Variants in CAPN12 observed in about 807,000 individuals in gnomAD.
CAPN12 encodes the protein calpain 12.
CAPN12 carries 107 observed loss-of-function variants against 95.0 expected under a neutral mutation model. That is an observed-to-expected ratio of 1.13 (90% CI 0.96 to 1.32). The LOEUF is 1.32. Among genes scored for constraint, CAPN12 ranks in the 40% most tolerant of loss-of-function variants. The pLI is 0.00. For missense variants in CAPN12, 1,136 were observed against 997.8 expected (o/e 1.14, Z -1.87); for synonymous variants, 505 against 415.5 (o/e 1.22, Z -2.62).
chr19:38,742,357 C>T, intron 3 of CAPN12, 53 bp downstream of exon 3: 1 of 1,210,266 alleles, frequency 8.3e-7, no homozygotes, highest in South Asian at 1.2e-5. Flanking sequence ...AAATCCATAT[C>T]ACCAAGTCAC....
intron 1 of CAPN12, among the ~76,000 whole-genome samples, chr19:38,743,407 G>C (rs1317164538): frequency 4.4e-5 from 2 of 45,648 alleles, no homozygotes; most frequent in East Asian, 7.6e-4. Flanking sequence ...TCCAGGTCCC[G>C]AGCCCCTCCT....
rs371427990 is a variant in CAPN12 at position 38,731,197 on chromosome 19, G to A, written c.1984C>T (p.Gln662Ter). ...AGFHLNNQLT[Q>*]TLTSRYRDSR... is the part of the protein sequence containing the mutation. ...TCCCGGTAGCGGCTGGTGAGGGTCT[G>A]GGTCAGCTGGTTGTTCAGGTGGAAG... Residue 662 changes from glutamine to a stop codon, truncating the protein, a stop_gained, in exon 19 of 21, where the codon CAG (glutamine) becomes TAG (stop). Coordinates refer to ENST00000328867, the MANE Select transcript of CAPN12 (RefSeq NM_144691.4). LOFTEE classifies it high-confidence loss of function. The A allele has an allele frequency of 3.7e-6, 6 of 1,612,630 alleles. No individual in the cohort carries two copies. The highest frequency in any genetic ancestry group is 1.3e-5 in the African/African-American group (1 of 74,916).
chr19:38,740,932 A>G, intron 4 of CAPN12, among the ~76,000 whole-genome samples: 1 of 152,130 alleles, frequency 6.6e-6, no homozygotes, highest in Non-Finnish European at 1.5e-5. Context: ...GAGCTGTGTT[A>G]GAATTCTGAG....
In CAPN12 at chr19:38,740,099, G is replaced by A. The variant is rs370015075; in HGVS notation, c.681C>T (p.Ala227=). 1 of 1,613,090 alleles carries A rather than the reference G, an allele frequency of 6.2e-7. No individual in the cohort carries two copies. Among genetic ancestry groups the A allele is most frequent in the Non-Finnish European group, 8.5e-7 (1 of 1,179,672 alleles). Residue 227 remains alanine, a synonymous_variant, in exon 5 of 21, where the codon GCC becomes GCT. Coordinates refer to ENST00000328867, the MANE Select transcript of CAPN12 (RefSeq NM_144691.4). ...ACTCCTTGGCCAGGGCATGGCGCAG[G>A]GCAGAGAACAGCCCCATGCTGTTTT... is the stretch of plus-strand genomic sequence containing the variant. The part of the protein sequence containing the change: ...LRQNSMGLFS[A]LRHALAKESL...
intron 12 of CAPN12, 115 bp from the exon 13 acceptor site, chr19:38,735,659 G>A (rs1465755987): frequency 2.6e-5 from 13 of 492,748 alleles, no homozygotes; most frequent in Admixed American, 2.5e-4. Context: ...GTGGAGCCCT[G>A]GGCTCATCCT....
chr19:38,735,581 T>C (rs1969979902), intron 12 of CAPN12, 37 bp from the exon 13 acceptor site: 2 of 1,599,774 alleles, frequency 1.3e-6, no homozygotes, highest in South Asian at 1.1e-5. Flanking sequence ...AGGGGGCTGT[T>C]TGCCCCAGCT....
At position 38,740,345 on chromosome 19, in the gene CAPN12, A is replaced by G. The variant is rs140585105; in HGVS notation, c.561-126T>C. ...CCCAGGGGAAATTCCTGAAGTTTTG[A>G]GACTTTTTCCAGGGTCACCCTGTGG... On this transcript the variant is annotated intron_variant, in intron 4 of 20. Coordinates refer to ENST00000328867, the MANE Select transcript of CAPN12 (RefSeq NM_144691.4). The G allele has an allele frequency of 1.6e-4, 170 of 1,081,534 alleles. No homozygotes were observed. The African/African-American group carries it at 2.2e-3, about 14-fold the overall frequency. The allele number at this position is 1,081,534 out of a possible 1,614,324, so 67.0% of individuals were successfully genotyped here.
intron 4 of CAPN12, among the ~76,000 whole-genome samples, chr19:38,741,333 G>A (rs1599931420): frequency 6.6e-6 from 1 of 152,130 alleles, no homozygotes; most frequent in East Asian, 1.9e-4. Flanking sequence ...AGTACTTTGG[G>A]AGGCCAAGGA....
chr19:38,736,718 C>A, intron 10 of CAPN12, 155 bp from the exon 11 acceptor site: 2 of 893,818 alleles, frequency 2.2e-6, no homozygotes, highest in Non-Finnish European at 3.4e-6. Context: ...CCGACCCAGG[C>A]CCTCGCCGAC....
At chr19:38,742,261 G>A (rs902203743) in intron 3 of CAPN12, 149 bp downstream of exon 3, 4 of 686,248 alleles carry the variant, frequency 5.8e-6, no homozygotes, top group South Asian at 3.6e-5. Flanking sequence ...GGGGCGGGGC[G>A]AAGGTTGCAG....
At chr19:38,735,590 C>T (rs575418866) in intron 12 of CAPN12, 46 bp from the exon 13 acceptor site, 1 of 1,593,276 alleles carries the variant, frequency 6.3e-7, no homozygotes, top group East Asian at 2.3e-5. Context: ...TTTGCCCCAG[C>T]TGGGGCTGTG....
Position 38,740,111 on chromosome 19 carries a change from C to T in CAPN12, c.669G>A (p.Gly223=), listed in dbSNP as rs757499963. 1 of 1,613,716 alleles carries T rather than the reference C, an allele frequency of 6.2e-7. No individual in the cohort carries two copies. Among genetic ancestry groups the T allele is most frequent in the South Asian group, 1.1e-5 (1 of 91,044 alleles). The change falls in exon 5 of 21, where the codon GGG becomes GGA. Residue 223 remains glycine (G), a synonymous_variant. Coordinates refer to ENST00000328867, the MANE Select transcript of CAPN12 (RefSeq NM_144691.4). Reference sequence around the variant, plus strand: ...GGGCATGGCGCAGGGCAGAGAACAGCCCCATGCTGTTTTGTCTCAGATAGA... The same window carrying T: ...GGGCATGGCGCAGGGCAGAGAACAGTCCCATGCTGTTTTGTCTCAGATAGA... ...EVLYLRQNSM[G]LFSALRHALA...
At chr19:38,733,567 A>C in intron 18 of CAPN12, 136 bp downstream of exon 18, 1 of 729,496 alleles carries the variant, frequency 1.4e-6, no homozygotes, top group Non-Finnish European at 2.3e-6. Context: ...CCTGCCAGGG[A>C]CTGGCAACAA....
chr19:38,742,096 C>T (rs1160313047), intron 3 of CAPN12, 186 bp from the exon 4 acceptor site: 16 of 745,528 alleles, frequency 2.1e-5, no homozygotes, highest in Non-Finnish European at 1.5e-5. Context: ...GAGGCCGAGG[C>T]GGATGGATCA....
chr19:38,736,822 T>C (rs557799556), intron 10 of CAPN12: 10 of 585,642 alleles, frequency 1.7e-5, no homozygotes, highest in South Asian at 4.2e-5. Context: ...CCTCTCTCTG[T>C]CCCTAACCTC....
At position 38,731,090 on chromosome 19, in the gene CAPN12, G is replaced by A. The variant is rs201216690; in HGVS notation, c.2074+17C>T. 5.5e-4 allele frequency: 872 copies of A among 1,573,950 alleles called. 6 individuals carry two copies. The East Asian group carries it at 0.01, about 18-fold the overall frequency. On this transcript the variant is annotated intron_variant, in intron 19 of 20. Coordinates refer to ENST00000328867, the MANE Select transcript of CAPN12 (RefSeq NM_144691.4). ...ACCCCTTCCCCCCATGCCCCACCAT[G>A]CCGGGGTGGTACTCACAGAAGATGC...
rs1487999690 is a variant in CAPN12 at position 38,738,440 on chromosome 19, A to ACT, written c.866_867dup (p.Trp290SerfsTer26). The stretch of plus-strand genomic sequence containing the variant: ...CACCTGTCGCTCCAGGCCCCCGTCC[A>ACT]CTCCACGCAGCCCCATGGGTTCCGC... On this transcript the variant is annotated frameshift_variant, in exon 7 of 21. Coordinates refer to ENST00000328867, the MANE Select transcript of CAPN12 (RefSeq NM_144691.4). LOFTEE classifies it high-confidence loss of function. 1 of 1,608,046 alleles carries ACT rather than the reference A, an allele frequency of 6.2e-7. No homozygotes were observed. The highest frequency in any genetic ancestry group is 8.5e-7 in the Non-Finnish European group (1 of 1,177,510).
Position 38,738,415 on chromosome 19 carries a change from C to T in CAPN12, c.890+3G>A, listed in dbSNP as rs767189344. 36 of 1,610,410 alleles carry T rather than the reference C, an allele frequency of 2.2e-5. No individual in the cohort carries two copies. Among genetic ancestry groups the T allele is most frequent in the Non-Finnish European group, 3.1e-5 (36 of 1,178,872 alleles). The stretch of plus-strand genomic sequence containing the variant: ...CCCCACACCCACCCCAGACCCATCC[C>T]ACCTGTCGCTCCAGGCCCCCGTCCA... On this transcript the variant is annotated splice_donor_region_variant and intron_variant, in intron 7 of 20. Transcript: ENST00000328867.
intron 5 of CAPN12, chr19:38,739,308 G>C (rs1970405341): frequency 6.5e-6 from 1 of 152,688 alleles, no homozygotes; most frequent in South Asian, 2.1e-4. Flanking sequence ...AAACTAGCTG[G>C]GCATGGTGGC....
Sources: gnomAD v4.1 joint callset for allele counts (sites outside exome capture counted in the v4.1 genomes callset) on GRCh38, gnomAD v4.1.1 for gene constraint, MANE v1.5 for transcripts, NCBI Gene and HGNC (gene_info 2026-07-23, HGNC 2026-07-21) for gene names.